HACE1: variants seen among roughly 807,000 people sequenced by gnomAD.
HACE1 encodes the protein E3 ubiquitin-protein ligase HACE1.
Under a neutral mutation model 118.4 loss-of-function variants are expected in HACE1, and 73 were observed. The ratio of observed to expected loss-of-function variants is 0.62; its 90% CI spans 0.51 to 0.75. The LOEUF (loss-of-function observed/expected upper bound fraction) is 0.75. HACE1 is among the 30% of genes least tolerant of loss of function. The pLI is 0.00. For synonymous variants in HACE1, 368 were observed against 374.8 expected, an observed-to-expected ratio of 0.98 and a Z score of 0.21; for missense variants, 749 against 1,102.2, an observed-to-expected ratio of 0.68 and a Z score of 4.54.
intron 10 of HACE1, among the ~76,000 whole-genome samples, chr6:104,793,132 T>C (rs1783230548): frequency 6.6e-6 from 1 of 151,948 alleles, no homozygotes. Context: ...CCGGGCGTGG[T>C]GGCAGGCCCA....
At chr6:104,835,731 A>G (rs766545946) in intron 5 of HACE1, among the ~76,000 whole-genome samples, 9 of 152,346 alleles carry the variant, frequency 5.9e-5, no homozygotes, top group Non-Finnish European at 1.0e-4. Context: ...TCTCAATATT[A>G]TCCATCGAAA....
At chr6:104,796,142 C>T (rs1021492045) in intron 9 of HACE1, among the ~76,000 whole-genome samples, 2 of 151,962 alleles carry the variant, frequency 1.3e-5, no homozygotes, top group African/African-American at 4.8e-5. Context: ...ATCACTGTAT[C>T]GCCCAGGCTA....
intron 23 of HACE1, among the ~76,000 whole-genome samples, chr6:104,730,069 G>T (rs924686962): frequency 1.3e-5 from 2 of 152,148 alleles, no homozygotes. Flanking sequence ...TGTAACTTTA[G>T]TGATACTTGA....
intron 5 of HACE1, among the ~76,000 whole-genome samples, chr6:104,836,809 A>G (rs1774586436): frequency 1.3e-5 from 2 of 152,192 alleles, no homozygotes; most frequent in African/African-American, 4.8e-5. Context: ...CCCAGAACTA[A>G]TAAGTGAGTT....
chr6:104,770,260 A>G (rs1266489395), intron 19 of HACE1, among the ~76,000 whole-genome samples: 1 of 152,214 alleles, frequency 6.6e-6, no homozygotes, highest in Non-Finnish European at 1.5e-5. Context: ...CTTGTAAGCA[A>G]CAGAACTAGA....
At chr6:104,749,667 A>C (rs770321749) in intron 20 of HACE1, among the ~76,000 whole-genome samples, 5 of 152,140 alleles carry the variant, frequency 3.3e-5, no homozygotes, top group African/African-American at 4.8e-5. Context: ...TGCTTTATTA[A>C]GATTTAGACA....
At chr6:104,766,717 T>C (rs892286408) in intron 19 of HACE1, 11 of 152,248 alleles carry the variant, frequency 7.2e-5, no homozygotes, top group African/African-American at 2.4e-4. Flanking sequence ...CACTGTCTTA[T>C]AGACATCCAT....
chr6:104,743,070 C>A (rs938746091), intron 22 of HACE1, among the ~76,000 whole-genome samples: 1 of 150,358 alleles, frequency 6.7e-6, no homozygotes, highest in East Asian at 2.0e-4. Flanking sequence ...GAACAAAAAA[C>A]CAAACACCGC....
intron 19 of HACE1, among the ~76,000 whole-genome samples, chr6:104,765,095 G>A (rs1449096302): frequency 6.6e-6 from 1 of 152,130 alleles, no homozygotes; most frequent in African/African-American, 2.4e-5. Context: ...TCAGTCACAT[G>A]GCTGAATTAA....
intron 6 of HACE1, among the ~76,000 whole-genome samples, chr6:104,829,811 A>G (rs1270230702): frequency 6.6e-6 from 1 of 152,060 alleles, no homozygotes; most frequent in Non-Finnish European, 1.5e-5. Context: ...ACTCCCTATA[A>G]ATCTTCTGAG....
At chr6:104,750,153 T>C (rs1309937872) in intron 20 of HACE1, among the ~76,000 whole-genome samples, 188 bp downstream of exon 20, 1 of 152,184 alleles carries the variant, frequency 6.6e-6, no homozygotes, top group Non-Finnish European at 1.5e-5. Flanking sequence ...GCTGCTTATC[T>C]GGTTATTAAG....
At position 104,814,661 on chromosome 6, in the gene HACE1, G is replaced by C. The variant is rs1217041452; in HGVS notation, c.535-3268C>G. Among the ~76,000 whole-genome samples, 10 of 137,012 alleles carry C rather than the reference G, an allele frequency of 7.3e-5. 4 individuals carry two copies. The highest frequency in any genetic ancestry group is 2.9e-4 in the African/African-American group (10 of 33,972). 89.9% of individuals were successfully genotyped at this position (137,012 alleles called of 152,430 possible). On this transcript the variant is annotated intron_variant, in intron 6 of 23. Coordinates refer to ENST00000262903, the MANE Select transcript of HACE1 (RefSeq NM_020771.4). ...TTAGAGGGTGATATGGGTTGGATTT[G>C]TGTCCCTGCCAAAATCTCCTGTTGA... is the stretch of plus-strand genomic sequence containing the variant.
chr6:104,760,482 C>CAAA (rs1779222532), intron 19 of HACE1, among the ~76,000 whole-genome samples: 1 of 152,076 alleles, frequency 6.6e-6, no homozygotes, highest in East Asian at 1.9e-4. Context: ...AGGCCTTTGA[C>CAAA]AAAATTCAAC....
chr6:104,762,989 C>CAAAAA (rs56232124), intron 19 of HACE1, among the ~76,000 whole-genome samples: 14 of 32,034 alleles, frequency 4.4e-4, no homozygotes, highest in South Asian at 1.1e-3. Flanking sequence ...GACTCCATCT[C>CAAAAA]AAAAAAAAAA....
chr6:104,778,112 G>A (rs578072762), intron 14 of HACE1, among the ~76,000 whole-genome samples: 3 of 152,174 alleles, frequency 2.0e-5, no homozygotes, highest in Admixed American at 2.0e-4. Context: ...TGCAGAAATT[G>A]GAACGTAATT....
At chr6:104,824,021 T>C (rs1280115661) in intron 6 of HACE1, among the ~76,000 whole-genome samples, 2 of 151,954 alleles carry the variant, frequency 1.3e-5, no homozygotes, top group Non-Finnish European at 2.9e-5. Context: ...CAGTGATGAG[T>C]AGTAAGGATA....
At chr6:104,737,282 CAAAAAAAAAAA>C (rs59915070) in intron 22 of HACE1, among the ~76,000 whole-genome samples, 6 of 42,718 alleles carry the variant, frequency 1.4e-4, no homozygotes, top group Admixed American at 3.5e-4. Context: ...GACTCTCTCT[CAAAAAAAAAAA>C]AAAAAAAAAA....
chr6:104,777,549 T>A (rs1781347907), intron 14 of HACE1, among the ~76,000 whole-genome samples: 1 of 152,190 alleles, frequency 6.6e-6, no homozygotes, highest in South Asian at 2.1e-4. Flanking sequence ...TTCCTACATT[T>A]TCAACACAAA....
intron 7 of HACE1, among the ~76,000 whole-genome samples, chr6:104,798,764 C>T (rs1769976056): frequency 1.3e-5 from 2 of 152,174 alleles, no homozygotes; most frequent in Admixed American, 6.5e-5. Flanking sequence ...AAGTGAAAAG[C>T]AACTAACTTG....
Sources: gnomAD v4.1 joint callset for allele counts (sites outside exome capture counted in the v4.1 genomes callset) on GRCh38, gnomAD v4.1.1 for gene constraint, MANE v1.5 for transcripts, NCBI Gene and HGNC (gene_info 2026-07-23, HGNC 2026-07-21) for gene names.